Variants in LILRA4 observed in about 807,000 individuals in gnomAD.
The protein encoded by LILRA4 is leukocyte immunoglobulin-like receptor subfamily A member 4.
LILRA4 carries 51 observed loss-of-function variants against 49.5 expected under a neutral mutation model. The observed-to-expected ratio is 1.03, with a 90% CI of 0.82 to 1.30. LILRA4 has a LOEUF of 1.30. LILRA4 is among the 50% of genes most tolerant of loss of function. The pLI is 0.00. For missense variants in LILRA4, 624 were observed against 625.6 expected (o/e 1.00, Z 0.03); for synonymous variants, 272 against 265.6 (o/e 1.02, Z -0.23).
chr19:54,336,315 C>T (rs764165607), intron 6 of LILRA4: 4 of 171,160 alleles, frequency 2.3e-5, no homozygotes, highest in Non-Finnish European at 3.8e-5. Context: ...AGAGTAACTG[C>T]GCTTTCATCT....
In LILRA4 at chr19:54,339,099, C is replaced by T; in HGVS notation, c.-6G>A. On this transcript the variant is annotated 5_prime_UTR_variant, in exon 1 of 8. Transcript: ENST00000291759. ...CTTGTGAGAATGAGGGTCATGGCATCTCCTCCTCCTGGCCCTGGCTGTGCA... is the reference window on the plus strand; with the variant it reads ...CTTGTGAGAATGAGGGTCATGGCATTTCCTCCTCCTGGCCCTGGCTGTGCA... 2 of 1,614,166 alleles carry T rather than the reference C, an allele frequency of 1.2e-6. No individual in the cohort carries two copies. The highest frequency in any genetic ancestry group is 1.3e-5 in the African/African-American group (1 of 75,056).
At chr19:54,335,284 CGA>C (rs2081312204) in intron 6 of LILRA4, 1 of 152,062 alleles carries the variant, frequency 6.6e-6, no homozygotes, top group African/African-American at 2.4e-5. Flanking sequence ...TGAGTTGTCA[CGA>C]GATCTTGTTA....
rs1476323699 is a variant in LILRA4, at chr19:54,338,010, C to G, written c.581G>C (p.Arg194Thr). The G allele has an allele frequency of 6.2e-7, 1 of 1,613,948 alleles. No homozygotes were observed. Among genetic ancestry groups the G allele is most frequent in the East Asian group, 2.2e-5 (1 of 44,864 alleles). Residue 194 changes from arginine to threonine, a missense_variant, in exon 4 of 8, where the codon AGA becomes ACA. By Grantham distance (71) the Arg-to-Thr change is moderately conservative. Coordinates refer to ENST00000291759, the MANE Select transcript of LILRA4 (RefSeq NM_012276.5). ...PLTFSNRGTF[R>T]CYGYENNTPY... ...GGTGTTGTTTTCATAGCCGTAGCAT[C>G]TGAATGTACCCCTGTTGCTGAAGGT...
Position 54,338,377 on chromosome 19 carries a change from C to A in LILRA4, c.355+19G>T. ...CCGAGGGCAGAGCCTGGGGCTGGGA[C>A]CCCTGAGTGTCCTCTCACCTGTCAC... is the stretch of plus-strand genomic sequence containing the variant. On this transcript the variant is annotated intron_variant, in intron 3 of 7. Transcript: ENST00000291759. 3.7e-6 allele frequency: 6 copies of A among 1,613,410 alleles called. No homozygotes were observed. Among genetic ancestry groups the A allele is most frequent in the Non-Finnish European group, 5.1e-6 (6 of 1,179,786 alleles).
In LILRA4 at chr19:54,334,737, C is replaced by CGG. The variant is rs1257403198; in HGVS notation, c.1256-774_1256-773dup. The CGG allele has an allele frequency of 2.6e-5, 4 of 151,018 alleles. No individual in the cohort carries two copies. In the East Asian group the frequency reaches 7.8e-4, roughly 29 times the overall value. The allele number at this position is 151,018 out of a possible 1,614,324, so 9.4% of individuals were successfully genotyped here. ...ATCCCAGCACTTTGGGAGGCTGAGG[C>CGG]GGGCGGATCACAAGGTCAGGAGACT... On this transcript the variant is annotated intron_variant, in intron 6 of 7. Coordinates refer to ENST00000291759, the MANE Select transcript of LILRA4 (RefSeq NM_012276.5).
chr19:54,337,978 CG>C lies in LILRA4; in HGVS notation c.612del (p.Tyr204Ter). On this transcript the variant is annotated frameshift_variant, in exon 4 of 8. Transcript: ENST00000291759. LOFTEE classifies it high-confidence loss of function. The stretch of plus-strand genomic sequence containing the variant: ...AGGGGGTCACTGGGTTCCGACCACA[CG>C]TATGGGGTGTTGTTTTCATAGCCGT... ...RCYGYENNTP[Y>X]VWSEPSDPLQ... is the part of the protein sequence containing the mutation. The C allele has an allele frequency of 3.1e-6, 5 of 1,613,784 alleles. No individual in the cohort carries two copies. The highest frequency in any genetic ancestry group is 4.2e-6 in the Non-Finnish European group (5 of 1,179,978).
intron 6 of LILRA4, chr19:54,335,964 A>G (rs747863202): frequency 6.6e-6 from 1 of 152,156 alleles, no homozygotes; most frequent in Non-Finnish European, 1.5e-5. Flanking sequence ...ATAAACGTGA[A>G]ATTTCCAATT....
rs1194177490 is a variant in LILRA4, at chr19:54,337,969, C to G, written c.622G>C (p.Glu208Gln). Reference protein sequence around the residue: ...YENNTPYVWSEPSDPLQLLVS... With the variant: ...YENNTPYVWSQPSDPLQLLVS... ...AGTAGCTGCAGGGGGTCACTGGGTT[C>G]CGACCACACGTATGGGGTGTTGTTT... Residue 208 changes from glutamate to glutamine, a missense_variant, in exon 4 of 8, where the codon GAA becomes CAA. Glu to Gln is a conservative substitution (Grantham distance 29). Transcript: ENST00000291759. 6.2e-7 allele frequency: 1 copy of G among 1,613,128 alleles called. No homozygotes were observed. Among genetic ancestry groups the G allele is most frequent in the Admixed American group, 1.7e-5 (1 of 59,974 alleles).
intron 1 of LILRA4, 52 bp downstream of exon 1, chr19:54,339,008 T>C: frequency 6.2e-7 from 1 of 1,612,580 alleles, no homozygotes; most frequent in South Asian, 1.1e-5. Context: ...TGGCTATGGA[T>C]TGGGGTCTCT....
In LILRA4 at chr19:54,337,082, C is replaced by A. The variant is rs1254973320; in HGVS notation, c.1014G>T (p.Glu338Asp). ...VQPGPTVTSG[E>D]KVTLLCQSWD... ...ATGACTGACACAGCAGGGTCACCTT[C>A]TCTCCTGAGGTCACCGTGGGGCCCG... The change falls in exon 6 of 8, where the codon GAG becomes GAT. Residue 338 changes from glutamate (E) to aspartate (D), a missense_variant. Coordinates refer to ENST00000291759, the MANE Select transcript of LILRA4 (RefSeq NM_012276.5). 1.3e-5 allele frequency: 21 copies of A among 1,613,938 alleles called. No individual in the cohort carries two copies. Among genetic ancestry groups the A allele is most frequent in the Non-Finnish European group, 1.8e-5 (21 of 1,180,000 alleles).
At chr19:54,334,531 G>A (rs7254112) in intron 6 of LILRA4, 50,555 of 152,214 alleles carry the variant, frequency 0.33, 8,749 homozygotes, top group Middle Eastern at 0.41. Flanking sequence ...AATGTGATAT[G>A]CTTAAATATG....
intron 7 of LILRA4, 32 bp from the exon 8 acceptor site, chr19:54,333,797 T>A: frequency 6.2e-7 from 1 of 1,613,212 alleles, no homozygotes; most frequent in Non-Finnish European, 8.5e-7. Flanking sequence ...GTCACAGAGG[T>A]CAGGGCAGAT....
intron 2 of LILRA4, 43 bp from the exon 3 acceptor site, chr19:54,338,723 C>G: frequency 6.3e-7 from 1 of 1,592,044 alleles, no homozygotes; most frequent in South Asian, 1.1e-5. Context: ...GTCCTCAACC[C>G]TCAGATCCCA....
chr19:54,335,214 A>G (rs561380345), intron 6 of LILRA4: 9 of 152,048 alleles, frequency 5.9e-5, no homozygotes, highest in Non-Finnish European at 1.0e-4. Context: ...GTAATCCCCA[A>G]TGTTGGAGGA....
rs1601228810 is a variant in LILRA4 at position 54,337,649 on chromosome 19, T to C, written c.703A>G (p.Thr235Ala). Residue 235 changes from threonine (T) to alanine (A), a missense_variant, in exon 5 of 8, where the codon ACC (threonine) becomes GCC (alanine). By Grantham distance (58) the Thr-to-Ala change is moderately conservative. Coordinates refer to ENST00000291759, the MANE Select transcript of LILRA4 (RefSeq NM_012276.5). ...TGGAGGGTCAGATTCTCTCCGGGGG[T>C]CACGACAGGGCCCTGCAGGGTCAGG... ...SLLTLQGPVV[T>A]PGENLTLQCG... 1.2e-6 allele frequency: 2 copies of C among 1,612,482 alleles called. No homozygotes were observed. Among genetic ancestry groups the C allele is most frequent in the East Asian group, 2.2e-5 (1 of 44,834 alleles).
chr19:54,337,584 G>A lies in LILRA4; in HGVS notation c.768C>T (p.Tyr256=), dbSNP rs575356969. 6.2e-7 allele frequency: 1 copy of A among 1,613,608 alleles called. No homozygotes were observed. The highest frequency in any genetic ancestry group is 8.5e-7 in the Non-Finnish European group (1 of 1,179,910). The change falls in exon 5 of 8, where the codon TAC becomes TAT. Residue 256 remains tyrosine (Y), a synonymous_variant. Coordinates refer to ENST00000291759, the MANE Select transcript of LILRA4 (RefSeq NM_012276.5). ...SDVGYIRYTL[Y]KEGADGLPQR... The stretch of plus-strand genomic sequence containing the variant: ...GGGGGAGGCCATCGGCCCCCTCCTT[G>A]TACAGAGTGTATCTGATGTAGCCGA...
rs777214865 is a variant in LILRA4, at chr19:54,333,949, G to A, written c.1272C>T (p.Leu424=). Residue 424 remains leucine, a synonymous_variant, in exon 7 of 8, where the codon CTC becomes CTT. Coordinates refer to ENST00000291759, the MANE Select transcript of LILRA4 (RefSeq NM_012276.5). ...ELVVSGATET[L]NPAQKKSDSK... is the part of the protein sequence containing the mutation. ...AATCTGACTTCTTTTGTGCTGGATTGAGGGTCTCAGTTGCTCCTAAGAATC... is the reference window on the plus strand; with the variant it reads ...AATCTGACTTCTTTTGTGCTGGATTAAGGGTCTCAGTTGCTCCTAAGAATC... The A allele has an allele frequency of 6.2e-7, 1 of 1,614,044 alleles. No individual in the cohort carries two copies. Among genetic ancestry groups the A allele is most frequent in the Non-Finnish European group, 8.5e-7 (1 of 1,179,888 alleles).
intron 6 of LILRA4, chr19:54,335,911 A>T (rs2081318467): frequency 6.6e-6 from 1 of 152,216 alleles, no homozygotes; most frequent in African/African-American, 2.4e-5. Context: ...CTACGTATAT[A>T]TTCATATTTG....
At chr19:54,338,935 C>G (rs201143889) in intron 1 of LILRA4, 34 bp from the exon 2 acceptor site, 6 of 1,551,292 alleles carry the variant, frequency 3.9e-6, no homozygotes, top group Non-Finnish European at 5.3e-6. Context: ...GATTTGCCTC[C>G]GAAGCCTGAG....
Sources: allele counts gnomAD v4.1 joint callset, GRCh38; gene constraint gnomAD v4.1.1; transcripts MANE v1.5; gene names NCBI Gene and HGNC (gene_info 2026-07-23, HGNC 2026-07-21).